HCK: variants seen among roughly 807,000 people sequenced by gnomAD.
HCK encodes tyrosine-protein kinase HCK.
A neutral mutation model predicts 70.4 loss-of-function variants in HCK; 40 were observed. That is an observed-to-expected ratio of 0.57 (90% CI 0.44 to 0.74). HCK has a LOEUF of 0.74. HCK is among the 30% of genes least tolerant of loss of function. The probability of loss-of-function intolerance (pLI) is 0.00; values close to 1 mark genes in which losing one functional copy is unlikely to be tolerated. For synonymous variants in HCK, 245 were observed against 263.2 expected (o/e 0.93, Z 0.67); for missense variants, 568 against 697.2 (o/e 0.81, Z 2.09).
In HCK at chr20:32,088,654, T is replaced by C. The variant is rs577270836; in HGVS notation, c.1092+10T>C. On this transcript the variant is annotated intron_variant, in intron 10 of 12. Transcript: ENST00000375852. ...TGACTTCTCAGCCCAGGTGAGAGCC[T>C]AACGAGGAAACGGGGAAGGGAAACA... is the stretch of plus-strand genomic sequence containing the variant. The C allele has an allele frequency of 3.2e-5, 51 of 1,609,096 alleles. No homozygotes were observed. Among genetic ancestry groups the C allele is most frequent in the Admixed American group, 2.7e-4 (16 of 59,632 alleles).
chr20:32,085,873 G>A (rs191225343), intron 8 of HCK, among the ~76,000 whole-genome samples: 53 of 152,322 alleles, frequency 3.5e-4, no homozygotes, highest in African/African-American at 1.2e-3. Context: ...AGGCTAGAGG[G>A]GTGGACGAGG....
chr20:32,099,322 G>A (rs2046000102), intron 12 of HCK, among the ~76,000 whole-genome samples, 187 bp downstream of exon 12: 1 of 147,898 alleles, frequency 6.8e-6, no homozygotes, highest in African/African-American at 2.5e-5. Context: ...GGGCTTCCTT[G>A]GCCCTTCCTT....
chr20:32,073,444 T>A, intron 3 of HCK, 83 bp downstream of exon 3: 1 of 1,223,950 alleles, frequency 8.2e-7, no homozygotes, highest in Non-Finnish European at 1.2e-6. Flanking sequence ...GAGGCATAAA[T>A]CCCAAACAGT....
At chr20:32,083,850 C>T in intron 6 of HCK, 44 bp from the exon 7 acceptor site, 1 of 1,611,164 alleles carries the variant, frequency 6.2e-7, no homozygotes, top group Non-Finnish European at 8.5e-7. Context: ...AGGTGGCAGG[C>T]CTCCAAGATG....
intron 11 of HCK, among the ~76,000 whole-genome samples, chr20:32,096,578 T>C (rs2045959566): frequency 6.6e-6 from 1 of 151,340 alleles, no homozygotes; most frequent in Non-Finnish European, 1.5e-5. Context: ...CATAGCTCAC[T>C]GTAGCCTCCA....
chr20:32,068,916 C>G (rs567079931), intron 1 of HCK, among the ~76,000 whole-genome samples: 17 of 152,270 alleles, frequency 1.1e-4, no homozygotes, highest in Middle Eastern at 3.4e-3. Context: ...TGCACTCCAG[C>G]CTGGGTGACA....
intron 12 of HCK, among the ~76,000 whole-genome samples, chr20:32,100,722 T>C (rs2046021827): frequency 6.6e-6 from 1 of 152,152 alleles, no homozygotes; most frequent in South Asian, 2.1e-4. Context: ...AACAAAAAAA[T>C]GGTCCCACCC....
intron 11 of HCK, among the ~76,000 whole-genome samples, chr20:32,094,785 A>AAGAAAG (rs1569010239): frequency 6.7e-5 from 5 of 74,778 alleles, no homozygotes; most frequent in South Asian, 4.7e-4. Context: ...AAGAGAGAGA[A>AAGAAAG]AGAGAAAGAA....
Position 32,062,694 on chromosome 20 carries a change from G to T in HCK, c.63-8968G>T, listed in dbSNP as rs144868485. ...AAGTTTTGAGCTCTATGAGAAAGAA[G>T]CTGAGGCTCAGTAAAGGGAAGACGT... On this transcript the variant is annotated intron_variant, in intron 1 of 12. Transcript: ENST00000375852. Among the ~76,000 whole-genome samples the T allele has an allele frequency of 1.5e-3, 229 of 152,258 alleles. 2 individuals carry two copies. The highest frequency in any genetic ancestry group is 5.2e-3 in the African/African-American group (216 of 41,544).
chr20:32,053,123 C>A (rs1462907447), intron 1 of HCK, among the ~76,000 whole-genome samples: 1 of 152,122 alleles, frequency 6.6e-6, no homozygotes, highest in Non-Finnish European at 1.5e-5. Context: ...ATCTGTAAAA[C>A]GGGGCTATGA....
At chr20:32,094,683 T>C (rs1479144379) in intron 11 of HCK, among the ~76,000 whole-genome samples, 1 of 71,620 alleles carries the variant, frequency 1.4e-5, no homozygotes, top group East Asian at 3.1e-4. Flanking sequence ...CAAGATCTTG[T>C]CAAAAGAAAA....
chr20:32,083,375 A>C (rs2045734372), intron 6 of HCK, among the ~76,000 whole-genome samples: 1 of 152,246 alleles, frequency 6.6e-6, no homozygotes, highest in Admixed American at 6.5e-5. Context: ...CAGCATGTTC[A>C]CATTTCAATA....
At chr20:32,098,517 AC>A (rs1378129621) in intron 11 of HCK, among the ~76,000 whole-genome samples, 1 of 151,982 alleles carries the variant, frequency 6.6e-6, no homozygotes, top group African/African-American at 2.4e-5. Context: ...GGCTAACTAA[AC>A]CCATGTCAGA....
In HCK at chr20:32,101,399, C is replaced by T; in HGVS notation, c.1461C>T (p.Tyr487=). 1 of 1,614,196 alleles carries T rather than the reference C, an allele frequency of 6.2e-7. No homozygotes were observed. Residue 487 remains tyrosine (Y), a synonymous_variant, in exon 13 of 13, where the codon TAC becomes TAT. Coordinates refer to ENST00000375852, the MANE Select transcript of HCK (RefSeq NM_002110.5). ...CAGAGAACTGCCCAGAGGAGCTCTA[C>T]AACATCATGATGCGCTGCTGGAAAA...
At chr20:32,088,472 C>A (rs2045819686) in intron 9 of HCK, 96 bp from the exon 10 acceptor site, 2 of 781,846 alleles carry the variant, frequency 2.6e-6, no homozygotes, top group Admixed American at 3.0e-5. Context: ...AAAATCTTCA[C>A]CACACACTAA....
In HCK at chr20:32,059,279, T is replaced by TCTTCCTTCCTTCCTTCCTTCCTTC. The variant is rs11272727; in HGVS notation, c.62+6810_62+6811insTTCCTTCCTTCCTTCCTTCCTTCC. On this transcript the variant is annotated intron_variant, in intron 1 of 12. Transcript: ENST00000375852. ...CTTAAATGTATCTGTAATGTTTTAA[T>TCTTCCTTCCTTCCTTCCTTCCTTC]CTTCCTTCCTTCCTTCCCTCCCTCC... 1.9e-3 allele frequency among the ~76,000 whole-genome samples: 277 copies of TCTTCCTTCCTTCCTTCCTTCCTTC among 146,068 alleles called. 5 individuals are homozygous for TCTTCCTTCCTTCCTTCCTTCCTTC. The highest frequency in any genetic ancestry group is 0.01 in the Middle Eastern group (3 of 288).
chr20:32,071,970 A>G (rs2045547473), intron 2 of HCK, 188 bp downstream of exon 2: 2 of 657,028 alleles, frequency 3.0e-6, no homozygotes, highest in African/African-American at 3.7e-5. Context: ...AGGGGCAAAG[A>G]AGTCATCTCT....
chr20:32,096,972 G>T (rs182869393), intron 11 of HCK, among the ~76,000 whole-genome samples: 1 of 151,968 alleles, frequency 6.6e-6, no homozygotes, highest in Non-Finnish European at 1.5e-5. Context: ...TTTCATGTAC[G>T]TTATAACTCG....
At position 32,052,785 on chromosome 20, in the gene HCK, G is replaced by C. The variant is rs991265806; in HGVS notation, c.62+299G>C. On this transcript the variant is annotated intron_variant, in intron 1 of 12. Coordinates refer to ENST00000375852, the MANE Select transcript of HCK (RefSeq NM_002110.5). Reference sequence around the variant, plus strand: ...GGGCCGTCCAGGTTCCCCTTCTTGGGGGGGGGCGGGGATTTTTTTTTTAAT... The same window carrying C: ...GGGCCGTCCAGGTTCCCCTTCTTGGCGGGGGGCGGGGATTTTTTTTTTAAT... Among the ~76,000 whole-genome samples the C allele has an allele frequency of 6.1e-4, 79 of 128,648 alleles. 2 individuals are homozygous for C. Among genetic ancestry groups the C allele is most frequent in the African/African-American group, 2.4e-3 (68 of 28,894 alleles). 84.4% of individuals were successfully genotyped at this position (128,648 alleles called of 152,430 possible).
Sources: allele counts gnomAD v4.1 joint callset (sites outside exome capture counted in the v4.1 genomes callset), GRCh38; gene constraint gnomAD v4.1.1; transcripts MANE v1.5; gene names NCBI Gene and HGNC (gene_info 2026-07-23, HGNC 2026-07-21).